The following ADARB2 variants were observed in gnomAD, a reference collection of about 807,000 sequenced individuals.
The protein encoded by ADARB2 is inactive double-stranded RNA-specific editase B2.
A neutral mutation model predicts 62.2 loss-of-function variants in ADARB2; 25 were observed. The ratio of observed to expected loss-of-function variants is 0.40; its 90% CI spans 0.29 to 0.56. The LOEUF (loss-of-function observed/expected upper bound fraction) is 0.56, where lower values mean the gene tolerates loss of function less well. Among genes scored for constraint, ADARB2 ranks in the 20% least tolerant of loss-of-function variants. The pLI is 0.43. For synonymous variants in ADARB2, 572 were observed against 500.8 expected (o/e 1.14, Z -1.90); for missense variants, 1,071 against 1,077.4 (o/e 0.99, Z 0.08).
At chr10:1,571,770 G>T (rs1344921520) in intron 1 of ADARB2, among the ~76,000 whole-genome samples, 1 of 150,642 alleles carries the variant, frequency 6.6e-6, no homozygotes, top group African/African-American at 2.4e-5. Flanking sequence ...GAGTGGACAG[G>T]TGAGTAGGCA....
intron 3 of ADARB2, among the ~76,000 whole-genome samples, chr10:1,349,035 A>G (rs1342643631): frequency 1.3e-5 from 2 of 152,192 alleles, no homozygotes; most frequent in Non-Finnish European, 2.9e-5. Flanking sequence ...TCTGAGCCCA[A>G]GCTAAGCCAT....
rs529122821 is a variant in ADARB2, at chr10:1,534,698, G to A, written c.101-155538C>T. The A allele has an allele frequency of 3.7e-5, 6 of 162,322 alleles. No individual in the cohort carries two copies. In the South Asian group the frequency reaches 1.2e-3, roughly 34 times the overall value. 10.1% of individuals were successfully genotyped at this position (162,322 alleles called of 1,614,324 possible). On this transcript the variant is annotated intron_variant, in intron 1 of 9. Coordinates refer to ENST00000381312, the MANE Select transcript of ADARB2 (RefSeq NM_018702.4). Reference sequence around the variant, plus strand: ...CGTCTCTATGGCTCCCTGCCCACGTGTGCAGCCCCGTCACTGAGAGGGAAG... The same window carrying A: ...CGTCTCTATGGCTCCCTGCCCACGTATGCAGCCCCGTCACTGAGAGGGAAG...
At chr10:1,606,783 C>T (rs773191484) in intron 1 of ADARB2, among the ~76,000 whole-genome samples, 38 of 152,186 alleles carry the variant, frequency 2.5e-4, no homozygotes, top group Middle Eastern at 6.8e-3. Flanking sequence ...GCTTCCTGCA[C>T]GGGGAACAGA....
In ADARB2 at chr10:1,477,202, G is replaced by A. The variant is rs1024843995; in HGVS notation, c.101-98042C>T. On this transcript the variant is annotated intron_variant, in intron 1 of 9. Transcript: ENST00000381312. The surrounding 1 kb of genome is among the most constrained non-coding windows in gnomAD (Gnocchi z 4.5). ...CATGGCTAACACCACTTCCTTACAGGAGAAGTGACTGCACTGATCAGAAGT... is the reference window on the plus strand; with the variant it reads ...CATGGCTAACACCACTTCCTTACAGAAGAAGTGACTGCACTGATCAGAAGT... Among the ~76,000 whole-genome samples the A allele has an allele frequency of 6.7e-6, 1 of 150,296 alleles. No homozygotes were observed. The highest frequency in any genetic ancestry group is 1.5e-5 in the Non-Finnish European group (1 of 68,002).
intron 1 of ADARB2, among the ~76,000 whole-genome samples, chr10:1,640,065 C>T (rs965302133): frequency 6.6e-6 from 1 of 152,068 alleles, no homozygotes; most frequent in Non-Finnish European, 1.5e-5. Flanking sequence ...TGGATGCCAT[C>T]GATGAGGGAG....
chr10:1,569,776 T>A (rs1832911335), intron 1 of ADARB2, among the ~76,000 whole-genome samples: 1 of 152,074 alleles, frequency 6.6e-6, no homozygotes, highest in African/African-American at 2.4e-5. Flanking sequence ...TTTAAAAAAA[T>A]GTAATACTGC....
intron 1 of ADARB2, among the ~76,000 whole-genome samples, chr10:1,392,576 G>A (rs923761935): frequency 5.3e-5 from 8 of 152,160 alleles, no homozygotes; most frequent in African/African-American, 1.7e-4. Flanking sequence ...CATTGCAGAC[G>A]AAAGGCAAGG....
At chr10:1,456,357 C>T (rs893825886) in intron 1 of ADARB2, among the ~76,000 whole-genome samples, 3 of 152,190 alleles carry the variant, frequency 2.0e-5, no homozygotes, top group Admixed American at 1.3e-4. Context: ...TTCTCAACAC[C>T]AGCAACGGCT....
intron 3 of ADARB2, among the ~76,000 whole-genome samples, chr10:1,298,750 T>TAGA: frequency 8.0e-5 from 3 of 37,340 alleles, no homozygotes; most frequent in African/African-American, 1.8e-4. Context: ...TTTTTTTTTT[T>TAGA]TTTTTTTTTT....
rs111887989 is a variant in ADARB2 at position 1,265,204 on chromosome 10, G to A, written c.1192+5751C>T. ...TCTGCATTTCCTGAAGTGTTAATAA[G>A]AATTCCTGCCTTCCCCACTTATCGG... On this transcript the variant is annotated intron_variant, in intron 4 of 9. Transcript: ENST00000381312. 5.8e-3 allele frequency among the ~76,000 whole-genome samples: 883 copies of A among 152,336 alleles called. 15 individuals carry two copies. The highest frequency in any genetic ancestry group is 0.02 in the African/African-American group (851 of 41,580).
At chr10:1,327,696 GT>G (rs1276366334) in intron 3 of ADARB2, among the ~76,000 whole-genome samples, 1 of 30,244 alleles carries the variant, frequency 3.3e-5, no homozygotes, top group African/African-American at 1.1e-4. Flanking sequence ...ACAGCGCCTC[GT>G]CACAGTTTAG....
At chr10:1,653,980 G>T (rs969989916) in intron 1 of ADARB2, among the ~76,000 whole-genome samples, 2 of 152,130 alleles carry the variant, frequency 1.3e-5, no homozygotes, top group African/African-American at 4.8e-5. Flanking sequence ...TAAAATCGCA[G>T]GGAGATGCCC....
chr10:1,197,458 A>G (rs1205299468), intron 8 of ADARB2, among the ~76,000 whole-genome samples: 2 of 152,242 alleles, frequency 1.3e-5, no homozygotes, highest in Admixed American at 6.5e-5. Flanking sequence ...GCTGTGAAAC[A>G]TGGATGCCTG....
intron 3 of ADARB2, among the ~76,000 whole-genome samples, chr10:1,337,804 A>C (rs1831987999): frequency 6.6e-6 from 1 of 152,258 alleles, no homozygotes; most frequent in Non-Finnish European, 1.5e-5. Context: ...ATTGGGTCAT[A>C]AAATCTTTAA....
At chr10:1,712,177 C>T (rs889820862) in intron 1 of ADARB2, among the ~76,000 whole-genome samples, 2 of 152,194 alleles carry the variant, frequency 1.3e-5, no homozygotes, top group Admixed American at 6.5e-5. Flanking sequence ...GAAACTTCCT[C>T]CAGGACAAAG....
intron 4 of ADARB2, among the ~76,000 whole-genome samples, chr10:1,262,319 T>TAATAAA (rs1208834714): frequency 2.2e-5 from 3 of 138,584 alleles, no homozygotes; most frequent in Middle Eastern, 3.6e-3. Flanking sequence ...ATAATAATAA[T>TAATAAA]AAAAGAAACC....
chr10:1,617,546 C>G, intron 1 of ADARB2, among the ~76,000 whole-genome samples: 1 of 147,384 alleles, frequency 6.8e-6, no homozygotes, highest in African/African-American at 2.5e-5. Context: ...CAGAGGGTTA[C>G]ATTCTGTCGC....
intron 1 of ADARB2, among the ~76,000 whole-genome samples, chr10:1,543,560 G>A (rs1342148512): frequency 6.6e-6 from 1 of 152,224 alleles, no homozygotes; most frequent in African/African-American, 2.4e-5. Context: ...TTCGGGCTGG[G>A]AGCTATTGGC....
chr10:1,205,549 C>T (rs115379842), intron 7 of ADARB2, among the ~76,000 whole-genome samples: 2,523 of 152,320 alleles, frequency 0.017, 29 homozygotes, highest in Middle Eastern at 0.041. Context: ...GCCCAGTGCA[C>T]ACCCCCAGGC....
Sources: allele counts gnomAD v4.1 joint callset (sites outside exome capture counted in the v4.1 genomes callset), GRCh38; gene constraint gnomAD v4.1.1; non-coding constraint Gnocchi (gnomAD v3.1); transcripts MANE v1.5; gene names NCBI Gene and HGNC (gene_info 2026-07-23, HGNC 2026-07-21).